Variants in RFT1 observed in about 807,000 individuals in gnomAD.
The protein encoded by RFT1 is RFT1 glycolipid translocator homolog, also known as man(5)GlcNAc(2)-PP-dolichol translocation protein RFT1.
RFT1 carries 43 observed loss-of-function variants against 62.2 expected under a neutral mutation model. The observed-to-expected ratio is 0.69, with a 90% CI of 0.54 to 0.89. The LOEUF is 0.89. Among genes scored for constraint, RFT1 ranks in the 40% least tolerant of loss-of-function variants. RFT1 has a pLI of 0.00. For missense variants in RFT1, 605 were observed against 649.9 expected (o/e 0.93, Z 0.75); for synonymous variants, 262 against 264.6 (o/e 0.99, Z 0.10).
chr3:53,071,050 A>C, the RFT1 span, among the ~76,000 whole-genome samples: 1 of 151,870 alleles, frequency 6.6e-6, no homozygotes, highest in African/African-American at 2.4e-5. Context: ...AAATTAGTAA[A>C]GAAAGAAAAT....
At chr3:53,079,481 C>A in the RFT1 span, among the ~76,000 whole-genome samples, 4 of 152,312 alleles carry the variant, frequency 2.6e-5, no homozygotes, top group Admixed American at 6.5e-5. Flanking sequence ...CATGTGTAAT[C>A]CCAGCACTTT....
In RFT1 at chr3:53,091,866, T is replaced by C; in HGVS notation, c.*37A>G. ...TTCCACCCACAGAACTACCCATAGC[T>C]GGTCCAGGTGCCTCGGGTGTCCAGG... On this transcript the variant is annotated 3_prime_UTR_variant, in exon 13 of 13. Transcript: ENST00000296292. The C allele has an allele frequency of 1.2e-6, 2 of 1,609,412 alleles. No individual in the cohort carries two copies. The highest frequency in any genetic ancestry group is 1.7e-6 in the Non-Finnish European group (2 of 1,176,242).
chr3:53,111,782 C>A lies in RFT1; in HGVS notation c.775+48G>T, dbSNP rs1388050219. The A allele has an allele frequency of 2.0e-6, 3 of 1,491,854 alleles. No individual in the cohort carries two copies. In the Admixed American group the frequency reaches 5.0e-5, roughly 25 times the overall value. The allele number at this position is 1,491,854 out of a possible 1,614,324, so 92.4% of individuals were successfully genotyped here. Reference sequence around the variant, plus strand: ...CAGGTAATTGGCAGTCCTATGAAATCCCCTTCTACTATGGTCTCCCGACGA... The same window carrying A: ...CAGGTAATTGGCAGTCCTATGAAATACCCTTCTACTATGGTCTCCCGACGA... On this transcript the variant is annotated intron_variant, in intron 7 of 12. Transcript: ENST00000296292.
In RFT1 at chr3:53,121,786, G is replaced by A; in HGVS notation, c.471C>T (p.Ser157=). ...MFVKLKVIAE[S]LSVILKSVLT... ...GAACGCTCTTAAGAATTACCGACAG[G>A]CTCTCTGCAATCACCTGCAAACATG... The change falls in exon 5 of 13, where the codon AGC becomes AGT. Residue 157 remains serine, a synonymous_variant. Transcript: ENST00000296292. The A allele has an allele frequency of 6.2e-7, 1 of 1,613,198 alleles. No homozygotes were observed. The highest frequency in any genetic ancestry group is 1.1e-5 in the South Asian group (1 of 90,984).
the RFT1 span, among the ~76,000 whole-genome samples, chr3:53,078,902 T>C: frequency 1.3e-5 from 2 of 152,164 alleles, no homozygotes; most frequent in Non-Finnish European, 2.9e-5. Context: ...GGCCCCACAA[T>C]GGCCCTGGAG....
downstream of RFT1, among the ~76,000 whole-genome samples, chr3:53,086,157 AAAT>A (rs1345068075): frequency 6.6e-6 from 1 of 152,220 alleles, no homozygotes; most frequent in Non-Finnish European, 1.5e-5. Flanking sequence ...TCAGGTAAGT[AAAT>A]AATAGTGAAG....
At chr3:53,112,772 C>A (rs770734577) in intron 6 of RFT1, among the ~76,000 whole-genome samples, 10 of 152,038 alleles carry the variant, frequency 6.6e-5, no homozygotes, top group African/African-American at 2.2e-4. Context: ...AAACTCCCAG[C>A]GGCACCAAAT....
At chr3:53,083,228 C>T in the RFT1 span, among the ~76,000 whole-genome samples, 30 of 115,576 alleles carry the variant, frequency 2.6e-4, no homozygotes, top group Non-Finnish European at 3.7e-4. Flanking sequence ...AAAAAAGACA[C>T]AGGCTGGGAG....
At chr3:53,111,803 G>T in intron 7 of RFT1, 27 bp downstream of exon 7, 2 of 1,592,412 alleles carry the variant, frequency 1.3e-6, no homozygotes, top group South Asian at 1.1e-5. Context: ...ATGGTCTCCC[G>T]ACGATTCAGA....
At chr3:53,117,234 AC>A (rs1181976725) in intron 6 of RFT1, among the ~76,000 whole-genome samples, 1 of 152,238 alleles carries the variant, frequency 6.6e-6, no homozygotes, top group African/African-American at 2.4e-5. Flanking sequence ...ATGGCACAAA[AC>A]ATGCAGTCAA....
chr3:53,103,543 T>C (rs1452994558), intron 10 of RFT1: 2 of 232,598 alleles, frequency 8.6e-6, no homozygotes, highest in African/African-American at 2.3e-5. Flanking sequence ...TTTTATGCAC[T>C]AGGCTGGGAG....
Position 53,122,492 on chromosome 3 carries a change from G to A in RFT1, c.338C>T (p.Pro113Leu), listed in dbSNP as rs773456124. 1.2e-6 allele frequency: 2 copies of A among 1,613,712 alleles called. No homozygotes were observed. Among genetic ancestry groups the A allele is most frequent in the East Asian group, 4.5e-5 (2 of 44,894 alleles). The change falls in exon 4 of 13, where the codon CCT becomes CTT. Residue 113 changes from proline (P) to leucine (L), a missense_variant. Pro to Leu is a moderately conservative substitution (Grantham distance 98). Transcript: ENST00000296292. ...AGTTGCATAGTGAGGGACAACATTAGGATCAGGCACTTCAAGCAGCTGCAA... is the reference window on the plus strand; with the variant it reads ...AGTTGCATAGTGAGGGACAACATTAAGATCAGGCACTTCAAGCAGCTGCAA... ...IWLQLLEVPD[P>L]NVVPHYATGV... is the part of the protein sequence containing the mutation.
At chr3:53,129,041 A>T (rs28501212) in intron 1 of RFT1, among the ~76,000 whole-genome samples, 39,985 of 152,028 alleles carry the variant, frequency 0.26, 5,650 homozygotes, top group Middle Eastern at 0.4. Flanking sequence ...GAGTAGTAAG[A>T]TATTATCAAA....
chr3:53,128,863 A>G (rs780782319), intron 1 of RFT1, among the ~76,000 whole-genome samples: 1 of 152,236 alleles, frequency 6.6e-6, no homozygotes, highest in Non-Finnish European at 1.5e-5. Flanking sequence ...ATTATTTGAC[A>G]CTAAAAACAA....
intron 7 of RFT1, among the ~76,000 whole-genome samples, chr3:53,109,827 A>G (rs188536255): frequency 1.3e-5 from 2 of 152,176 alleles, no homozygotes; most frequent in East Asian, 3.9e-4. Flanking sequence ...AAAAACAAAA[A>G]ACAAAAAACA....
At chr3:53,095,466 A>G (rs1330321067) in intron 11 of RFT1, among the ~76,000 whole-genome samples, 23 of 152,048 alleles carry the variant, frequency 1.5e-4, no homozygotes, top group Admixed American at 1.5e-3. Flanking sequence ...TAATCCCAGC[A>G]TTTGGGAGGC....
intron 1 of RFT1, among the ~76,000 whole-genome samples, chr3:53,127,558 G>T (rs1397315258): frequency 6.6e-6 from 1 of 151,972 alleles, no homozygotes; most frequent in Non-Finnish European, 1.5e-5. Flanking sequence ...AAAATTAGCT[G>T]GGTGTGGTGG....
the RFT1 span, among the ~76,000 whole-genome samples, chr3:53,078,885 T>C: frequency 6.6e-6 from 1 of 152,164 alleles, no homozygotes; most frequent in Non-Finnish European, 1.5e-5. Flanking sequence ...AACCCCAACT[T>C]TTCCTTGGCC....
intron 6 of RFT1, among the ~76,000 whole-genome samples, chr3:53,118,042 A>C (rs577431153): frequency 6.6e-6 from 1 of 152,204 alleles, no homozygotes; most frequent in Non-Finnish European, 1.5e-5. Context: ...GGTGCACACC[A>C]CTATACCCAG....
Sources: allele counts gnomAD v4.1 joint callset (sites outside exome capture counted in the v4.1 genomes callset), GRCh38; gene constraint gnomAD v4.1.1; transcripts MANE v1.5; gene names NCBI Gene and HGNC (gene_info 2026-07-23, HGNC 2026-07-21).